Variants in PCSK5 observed in about 807,000 individuals in gnomAD.
PCSK5 encodes proprotein convertase subtilisin/kexin type 5.
Under a neutral mutation model 233.2 loss-of-function variants are expected in PCSK5, and 129 were observed. That is an observed-to-expected ratio of 0.55 (90% CI 0.48 to 0.64). The LOEUF (loss-of-function observed/expected upper bound fraction) is 0.64. Among genes scored for constraint, PCSK5 ranks in the 30% least tolerant of loss-of-function variants. The pLI, the probability that PCSK5 is intolerant of heterozygous loss-of-function variation, is 0.00. For missense variants in PCSK5, 2,076 were observed against 2,430.1 expected (o/e 0.85, Z 3.06); for synonymous variants, 825 against 879.2 (o/e 0.94, Z 1.09).
intron 12 of PCSK5, among the ~76,000 whole-genome samples, chr9:76,160,110 C>T (rs1049450879): frequency 6.6e-6 from 1 of 152,060 alleles, no homozygotes; most frequent in Non-Finnish European, 1.5e-5. Flanking sequence ...CATGAGCCAC[C>T]GCGCCCAGCT....
intron 24 of PCSK5, among the ~76,000 whole-genome samples, chr9:76,283,749 T>C (rs1827958782): frequency 6.6e-6 from 1 of 152,248 alleles, no homozygotes; most frequent in Admixed American, 6.5e-5. Context: ...GGGGAATAAA[T>C]TTATGTACTA....
chr9:76,225,483 G>T (rs1825860446), intron 20 of PCSK5, among the ~76,000 whole-genome samples: 1 of 152,020 alleles, frequency 6.6e-6, no homozygotes, highest in Admixed American at 6.6e-5. Flanking sequence ...CAAATCGTTT[G>T]CACTGGCCCC....
At chr9:76,275,474 G>GA (rs1827662105) in intron 24 of PCSK5, among the ~76,000 whole-genome samples, 1 of 152,142 alleles carries the variant, frequency 6.6e-6, no homozygotes, top group Non-Finnish European at 1.5e-5. Flanking sequence ...ACCCAGGCTG[G>GA]AGTCCAGTGG....
At chr9:76,243,471 A>C (rs190574283) in intron 24 of PCSK5, among the ~76,000 whole-genome samples, 1 of 152,302 alleles carries the variant, frequency 6.6e-6, no homozygotes, top group East Asian at 1.9e-4. Flanking sequence ...CTCATTTTAA[A>C]TTCTAAAATG....
intron 5 of PCSK5, among the ~76,000 whole-genome samples, chr9:76,041,859 A>AG (rs949797042): frequency 6.6e-6 from 1 of 151,746 alleles, no homozygotes; most frequent in African/African-American, 2.4e-5. Context: ...AAAAAAAAAA[A>AG]GATTTTATAA....
rs201456283 is a variant in PCSK5 at position 76,289,469 on chromosome 9, CCACACACACA to C, written c.3143-2732_3143-2723del. Among the ~76,000 whole-genome samples the C allele has an allele frequency of 3.9e-3, 511 of 129,916 alleles. 3 individuals are homozygous for C. The highest frequency in any genetic ancestry group is 0.039 in the East Asian group (176 of 4,492). 85.2% of individuals were successfully genotyped at this position (129,916 alleles called of 152,430 possible). A position where few individuals can be genotyped will look rare whatever the true frequency, so the allele number is the denominator to read the frequency against. ...TAAGACTCCCTTCCCATTCCCCTCA[CCACACACACA>C]CACACACACACACACACACACACAC... On this transcript the variant is annotated intron_variant, in intron 24 of 37. Coordinates refer to ENST00000674117, the MANE Select transcript of PCSK5 (RefSeq NM_001372043.1).
chr9:76,179,231 A>G (rs769366606), intron 14 of PCSK5, among the ~76,000 whole-genome samples: 3 of 152,136 alleles, frequency 2.0e-5, no homozygotes, highest in East Asian at 1.9e-4. Context: ...TCTCTTTTCT[A>G]CAAATCCAAT....
intron 37 of PCSK5, among the ~76,000 whole-genome samples, chr9:76,357,876 T>C (rs149965589): frequency 1.9e-3 from 297 of 152,362 alleles, no homozygotes; most frequent in African/African-American, 6.7e-3. Flanking sequence ...GCTCTTGCCC[T>C]TAAGTGGTGG....
At chr9:76,005,573 C>T (rs1827441983) in intron 3 of PCSK5, among the ~76,000 whole-genome samples, 1 of 152,084 alleles carries the variant, frequency 6.6e-6, no homozygotes, top group Admixed American at 6.5e-5. Context: ...ATTTATTTAA[C>T]TAACTACCAA....
intron 8 of PCSK5, among the ~76,000 whole-genome samples, chr9:76,097,474 G>A (rs1831585501): frequency 6.6e-6 from 1 of 152,140 alleles, no homozygotes; most frequent in Non-Finnish European, 1.5e-5. Flanking sequence ...CTTATAGACA[G>A]CACAAAGTCT....
At chr9:76,171,457 AC>A (rs1823326453) in intron 13 of PCSK5, among the ~76,000 whole-genome samples, 1 of 152,166 alleles carries the variant, frequency 6.6e-6, no homozygotes, top group African/African-American at 2.4e-5. Context: ...AAGTTATAAA[AC>A]TAACTAAACG....
chr9:75,962,169 T>C (rs1040833075), intron 2 of PCSK5, among the ~76,000 whole-genome samples: 6 of 152,148 alleles, frequency 3.9e-5, no homozygotes, highest in Non-Finnish European at 7.3e-5. Context: ...AGGGAAGACC[T>C]CTCTGAGTGG....
At chr9:76,122,956 G>A (rs887992988) in intron 9 of PCSK5, among the ~76,000 whole-genome samples, 2 of 149,714 alleles carry the variant, frequency 1.3e-5, no homozygotes, top group African/African-American at 4.9e-5. Flanking sequence ...TCCTGTCTCA[G>A]CCTCCCGAGT....
intron 5 of PCSK5, among the ~76,000 whole-genome samples, chr9:76,036,139 A>G (rs886537905): frequency 5.3e-5 from 8 of 152,212 alleles, no homozygotes; most frequent in Admixed American, 1.3e-4. Flanking sequence ...TTAAAGAACT[A>G]AAGTTAGAAT....
rs375324745 is a variant in PCSK5, at chr9:76,271,411, A to T, written c.3143-20822A>T. On this transcript the variant is annotated intron_variant, in intron 24 of 37. Transcript: ENST00000674117. ...ATAAAGCATTCCTCTTTTCACTAAGAAGAAGTAGCTGAATTTAAAAGAAGT... is the reference window on the plus strand; with the variant it reads ...ATAAAGCATTCCTCTTTTCACTAAGTAGAAGTAGCTGAATTTAAAAGAAGT... Among the ~76,000 whole-genome samples the T allele has an allele frequency of 5.3e-5, 8 of 152,196 alleles. No individual in the cohort carries two copies. In the East Asian group the frequency reaches 9.6e-4, roughly 18 times the overall value.
intron 8 of PCSK5, among the ~76,000 whole-genome samples, chr9:76,096,795 T>G (rs1015628066): frequency 6.6e-6 from 1 of 152,090 alleles, no homozygotes; most frequent in Non-Finnish European, 1.5e-5. Flanking sequence ...GAGACAGGGT[T>G]TCACCACGTT....
intron 5 of PCSK5, among the ~76,000 whole-genome samples, chr9:76,040,325 G>GTCTCTCTCTCTCTCTCTCTCTCTCTC (rs757550088): frequency 6.3e-5 from 5 of 79,046 alleles, no homozygotes; most frequent in Admixed American, 1.7e-4. Context: ...TGTGTTCTCT[G>GTCTCTCTCTCTCTCTCTCTCTCTCTC]TCTCTCTCTC....
intron 32 of PCSK5, 107 bp downstream of exon 32, chr9:76,323,395 T>C: frequency 1.4e-6 from 1 of 690,642 alleles, no homozygotes; most frequent in South Asian, 1.9e-5. Flanking sequence ...TGTTTTGTTT[T>C]TGTTTTGGGA....
At chr9:76,261,440 C>G (rs1200598277) in intron 24 of PCSK5, among the ~76,000 whole-genome samples, 1 of 152,094 alleles carries the variant, frequency 6.6e-6, no homozygotes, top group African/African-American at 2.4e-5. Flanking sequence ...GATAGAAAAT[C>G]AATGTACAAA....
Sources: gnomAD v4.1 joint callset for allele counts (sites outside exome capture counted in the v4.1 genomes callset) on GRCh38, gnomAD v4.1.1 for gene constraint, MANE v1.5 for transcripts, NCBI Gene and HGNC (gene_info 2026-07-23, HGNC 2026-07-21) for gene names.